TENM2: variants seen among roughly 807,000 people sequenced by gnomAD.
The protein encoded by TENM2 is teneurin transmembrane protein 2, also known as teneurin-2.
A neutral mutation model predicts 245.2 loss-of-function variants in TENM2; 52 were observed. The ratio of observed to expected loss-of-function variants is 0.21; its 90% CI spans 0.17 to 0.27. The LOEUF (loss-of-function observed/expected upper bound fraction) is 0.27. Among genes scored for constraint, TENM2 ranks in the 10% least tolerant of loss-of-function variants. The pLI is 1.00. For missense variants in TENM2, 3,046 were observed against 3,666.8 expected, an observed-to-expected ratio of 0.83 and a Z score of 4.37; for synonymous variants, 1,363 against 1,438.9, an observed-to-expected ratio of 0.95 and a Z score of 1.19.
At chr5:167,617,048 G>T (rs776405658) in intron 2 of TENM2, among the ~76,000 whole-genome samples, 10 of 152,114 alleles carry the variant, frequency 6.6e-5, no homozygotes, top group Non-Finnish European at 4.4e-5. Context: ...CACAAGTATT[G>T]CTCAGAACTC....
Position 168,110,782 on chromosome 5 carries a change from A to G in TENM2, c.1814-7510A>G, listed in dbSNP as rs112336224. On this transcript the variant is annotated intron_variant, in intron 9 of 28. Transcript: ENST00000518659. ...ATTCATTATGTAATTAATGCTGTTC[A>G]GTCTCACACACACATACACACACAA... is the stretch of plus-strand genomic sequence containing the variant. Among the ~76,000 whole-genome samples the G allele has an allele frequency of 7.9e-3, 1,210 of 152,330 alleles. 20 individuals carry two copies. Among genetic ancestry groups the G allele is most frequent in the African/African-American group, 0.028 (1,147 of 41,576 alleles).
chr5:167,546,918 A>G (rs533529670), intron 2 of TENM2, among the ~76,000 whole-genome samples: 99 of 152,082 alleles, frequency 6.5e-4, no homozygotes, highest in African/African-American at 2.3e-3. Flanking sequence ...TCTCCTGGGC[A>G]CTCTCAGTAT....
chr5:168,251,681 G>T (rs1007668754), intron 27 of TENM2, among the ~76,000 whole-genome samples: 8 of 152,206 alleles, frequency 5.3e-5, no homozygotes, highest in African/African-American at 1.9e-4. Flanking sequence ...TGAACTCACT[G>T]CTCACAATGT....
intron 7 of TENM2, among the ~76,000 whole-genome samples, chr5:168,071,804 C>T (rs1353909631): frequency 1.3e-5 from 2 of 152,194 alleles, no homozygotes; most frequent in African/African-American, 4.8e-5. Flanking sequence ...ACCATGAGAG[C>T]AGCTCACATT....
At chr5:167,242,833 A>G in the TENM2 span, among the ~76,000 whole-genome samples, 5 of 152,168 alleles carry the variant, frequency 3.3e-5, no homozygotes, top group Non-Finnish European at 5.9e-5. Flanking sequence ...TTTCAACTGC[A>G]TGGGGTCAGG....
At chr5:167,378,864 C>CTT (rs35919553) in intron 2 of TENM2, among the ~76,000 whole-genome samples, 1 of 136,208 alleles carries the variant, frequency 7.3e-6, no homozygotes, top group Non-Finnish European at 1.6e-5. Context: ...TAAAAATTTC[C>CTT]TTTTTTTTTT....
At chr5:167,363,936 C>T (rs1759880297) in intron 1 of TENM2, among the ~76,000 whole-genome samples, 1 of 151,524 alleles carries the variant, frequency 6.6e-6, no homozygotes, top group Non-Finnish European at 1.5e-5. Context: ...AAATGAAATG[C>T]AAATTGTTGA....
chr5:168,019,442 G>C (rs1051355674), intron 5 of TENM2, among the ~76,000 whole-genome samples: 1 of 152,178 alleles, frequency 6.6e-6, no homozygotes, highest in East Asian at 1.9e-4. Context: ...AACAATGGCA[G>C]GGCAGGCAGA....
At chr5:167,227,745 C>A in the TENM2 span, among the ~76,000 whole-genome samples, 1 of 152,178 alleles carries the variant, frequency 6.6e-6, no homozygotes, top group South Asian at 2.1e-4. Flanking sequence ...GATCTTTTTG[C>A]TTTGTATGTA....
intron 1 of TENM2, among the ~76,000 whole-genome samples, chr5:167,300,025 G>A (rs1014564728): frequency 6.6e-6 from 1 of 152,198 alleles, no homozygotes; most frequent in Non-Finnish European, 1.5e-5. Flanking sequence ...GCAGACATGA[G>A]GGCTAGGCTA....
the TENM2 span, among the ~76,000 whole-genome samples, chr5:166,995,814 CAAAAAAA>C: frequency 1.7e-5 from 1 of 59,246 alleles, no homozygotes; most frequent in Non-Finnish European, 2.9e-5. Flanking sequence ...GACTCCATCT[CAAAAAAA>C]AAAAAAAAAA....
intron 2 of TENM2, among the ~76,000 whole-genome samples, chr5:167,874,122 C>T (rs1180447627): frequency 6.6e-6 from 1 of 152,170 alleles, no homozygotes; most frequent in Non-Finnish European, 1.5e-5. Context: ...TAAACCCCAA[C>T]TCCTACCTGG....
At chr5:166,992,059 A>T in the TENM2 span, among the ~76,000 whole-genome samples, 6 of 147,078 alleles carry the variant, frequency 4.1e-5, no homozygotes, top group African/African-American at 1.2e-4. Context: ...TCATATTCCA[A>T]TTTTTTTTTT....
the TENM2 span, among the ~76,000 whole-genome samples, chr5:167,258,215 G>GTATATATATATGTGTATATATATATA: frequency 1.1e-3 from 130 of 122,866 alleles, 1 homozygote; most frequent in African/African-American, 3.0e-3. Context: ...ATATATATAT[G>GTATATATATATGTGTATATATATATA]TATATATATA....
At chr5:167,360,116 G>A (rs967543548) in intron 1 of TENM2, among the ~76,000 whole-genome samples, 1 of 152,066 alleles carries the variant, frequency 6.6e-6, no homozygotes, top group African/African-American at 2.4e-5. Flanking sequence ...ACAAACCCCG[G>A]TGATACAAGT....
the TENM2 span, among the ~76,000 whole-genome samples, chr5:167,059,156 C>T: frequency 2.6e-5 from 4 of 152,180 alleles, no homozygotes; most frequent in Non-Finnish European, 5.9e-5. Context: ...AAAGGTAACA[C>T]TGGAATTCCC....
chr5:167,089,319 TAGAG>T, the TENM2 span, among the ~76,000 whole-genome samples: 1 of 152,186 alleles, frequency 6.6e-6, no homozygotes, highest in Non-Finnish European at 1.5e-5. Flanking sequence ...CACTTAAAAA[TAGAG>T]AGACAAAATA....
At chr5:168,112,868 C>A (rs900055876) in intron 9 of TENM2, among the ~76,000 whole-genome samples, 1 of 152,198 alleles carries the variant, frequency 6.6e-6, no homozygotes, top group African/African-American at 2.4e-5. Flanking sequence ...ATCACTTATC[C>A]TCTACCACCT....
At chr5:167,454,937 AG>A (rs1313600749) in intron 2 of TENM2, among the ~76,000 whole-genome samples, 2 of 152,178 alleles carry the variant, frequency 1.3e-5, no homozygotes, top group Non-Finnish European at 2.9e-5. Context: ...TGCTTCTTCA[AG>A]GGGAAGTGAA....
Sources: gnomAD v4.1 joint callset for allele counts (sites outside exome capture counted in the v4.1 genomes callset) on GRCh38, gnomAD v4.1.1 for gene constraint, MANE v1.5 for transcripts, NCBI Gene and HGNC (gene_info 2026-07-23, HGNC 2026-07-21) for gene names.